FAM110B: variants seen among roughly 807,000 people sequenced by gnomAD.
FAM110B encodes family with sequence similarity 110 member B.
FAM110B carries 6 observed loss-of-function variants against 20.4 expected under a neutral mutation model. The ratio of observed to expected loss-of-function variants is 0.29; its 90% CI spans 0.16 to 0.58. FAM110B has a LOEUF of 0.58. Among genes scored for constraint, FAM110B ranks in the 20% least tolerant of loss-of-function variants. The pLI is 0.90. For missense variants in FAM110B, 434 were observed against 498.2 expected (o/e 0.87, Z 1.23); for synonymous variants, 226 against 214.1 (o/e 1.06, Z -0.49).
At chr8:58,144,908 A>G (rs893461002) in intron 3 of FAM110B, among the ~76,000 whole-genome samples, 4 of 152,242 alleles carry the variant, frequency 2.6e-5, no homozygotes, top group Non-Finnish European at 5.9e-5. Flanking sequence ...ATAAACGTTC[A>G]ACTATTGACA....
In FAM110B at chr8:58,038,212, T is replaced by C. The variant is rs78020450; in HGVS notation, c.-414+6509T>C. On this transcript the variant is annotated intron_variant, in intron 2 of 3. Coordinates refer to ENST00000519262, the MANE Select transcript of FAM110B (RefSeq NM_001377989.1). ...CACTTAAAAATTAAGTATCAGGTAC[T>C]GCTTACTCTAAATTAGGTTACAGAG... 4.7e-3 allele frequency among the ~76,000 whole-genome samples: 709 copies of C among 152,314 alleles called. 6 individuals are homozygous for C. Among genetic ancestry groups the C allele is most frequent in the African/African-American group, 0.016 (681 of 41,566 alleles).
rs1265292283 is a variant in FAM110B at position 58,145,914 on chromosome 8, T to A, written c.-317T>A. 1 of 250,778 alleles carries A rather than the reference T, an allele frequency of 4.0e-6. No individual in the cohort carries two copies. The highest frequency in any genetic ancestry group is 7.6e-6 in the Non-Finnish European group (1 of 130,884). The allele number at this position is 250,778 out of a possible 1,614,324, so 15.5% of individuals were successfully genotyped here. ...GGTTGTTTTGTGTTTCAGCTCTGCC[T>A]GCAGTTGAACACAAAGACCTGGAGG... is the stretch of plus-strand genomic sequence containing the variant. On this transcript the variant is annotated 5_prime_UTR_variant, in exon 4 of 4. Transcript: ENST00000519262.
chr8:58,038,142 C>T (rs899835915), intron 2 of FAM110B, among the ~76,000 whole-genome samples: 1 of 152,160 alleles, frequency 6.6e-6, no homozygotes, highest in African/African-American at 2.4e-5. Flanking sequence ...TGGTCCTCTC[C>T]CTGAGTGATT....
intron 3 of FAM110B, among the ~76,000 whole-genome samples, chr8:58,101,597 A>G (rs910962427): frequency 1.3e-5 from 2 of 152,072 alleles, no homozygotes; most frequent in African/African-American, 4.8e-5. Flanking sequence ...ATGCATCGTC[A>G]ATCAAAATAA....
intron 3 of FAM110B, among the ~76,000 whole-genome samples, chr8:58,124,776 T>C (rs1807452440): frequency 6.6e-6 from 1 of 152,208 alleles, no homozygotes; most frequent in Non-Finnish European, 1.5e-5. Context: ...TCACTTAAAA[T>C]GTAGAATTCA....
intron 3 of FAM110B, among the ~76,000 whole-genome samples, chr8:58,129,489 G>C (rs1405255723): frequency 6.6e-6 from 1 of 152,216 alleles, no homozygotes; most frequent in East Asian, 1.9e-4. Flanking sequence ...ACCCCCTTCG[G>C]GGCCCCTGTT....
rs150171281 is a variant in FAM110B, at chr8:58,050,161, A to G, written c.-414+18458A>G. On this transcript the variant is annotated intron_variant, in intron 2 of 3. Transcript: ENST00000519262. ...TATATTCTGCTTGTTCCCAGATGTC[A>G]TGGTCTTGTGAGGAGGATAGAATAT... 2.0e-5 allele frequency among the ~76,000 whole-genome samples: 3 copies of G among 151,884 alleles called. No individual in the cohort carries two copies. In the East Asian group the frequency reaches 5.8e-4, roughly 29 times the overall value.
chr8:58,126,276 T>C (rs1281245455), intron 3 of FAM110B, among the ~76,000 whole-genome samples: 1 of 152,248 alleles, frequency 6.6e-6, no homozygotes, highest in African/African-American at 2.4e-5. Flanking sequence ...GGATATACCA[T>C]AGTTTAGTTA....
At chr8:58,065,059 T>C (rs944534250) in intron 2 of FAM110B, among the ~76,000 whole-genome samples, 1 of 152,244 alleles carries the variant, frequency 6.6e-6, no homozygotes, top group Non-Finnish European at 1.5e-5. Flanking sequence ...GATTAAAGTC[T>C]AATCTTTCAA....
At chr8:58,075,271 T>TGTG (rs1554521060) in intron 2 of FAM110B, among the ~76,000 whole-genome samples, 9 of 134,786 alleles carry the variant, frequency 6.7e-5, no homozygotes, top group Middle Eastern at 3.6e-3. Context: ...GCTTTTTTTT[T>TGTG]TTTTTGTGTG....
chr8:58,096,344 T>G (rs1806627797), intron 3 of FAM110B, among the ~76,000 whole-genome samples: 2 of 152,066 alleles, frequency 1.3e-5, no homozygotes, highest in Non-Finnish European at 2.9e-5. Flanking sequence ...CCCGGCTAAT[T>G]TTTGTATTTT....
intron 2 of FAM110B, among the ~76,000 whole-genome samples, chr8:58,033,764 A>G (rs555740620): frequency 2.6e-5 from 4 of 152,222 alleles, no homozygotes; most frequent in Admixed American, 2.0e-4. Flanking sequence ...TTAAAAAAAA[A>G]TAGTTTTATT....
At chr8:58,011,303 C>G (rs535431394) in intron 1 of FAM110B, among the ~76,000 whole-genome samples, 4 of 152,074 alleles carry the variant, frequency 2.6e-5, no homozygotes, top group Non-Finnish European at 5.9e-5. Flanking sequence ...GTTATCAAAC[C>G]CCTCCTAACA....
intron 1 of FAM110B, among the ~76,000 whole-genome samples, chr8:58,020,731 G>T (rs906909603): frequency 1.3e-5 from 2 of 152,186 alleles, no homozygotes; most frequent in African/African-American, 4.8e-5. Context: ...AATTTGGGAG[G>T]CTGGGGGAAG....
rs1049748595 is a variant in FAM110B at position 57,994,558 on chromosome 8, G to C, written c.-760G>C. ...GAAGCCTGCCTGAGCCCTCCCACTCGGTGCAGACCGAACCATCGCGGCCGC... is the reference window on the plus strand; with the variant it reads ...GAAGCCTGCCTGAGCCCTCCCACTCCGTGCAGACCGAACCATCGCGGCCGC... On this transcript the variant is annotated 5_prime_UTR_variant, in exon 1 of 4. Transcript: ENST00000519262. The C allele has an allele frequency of 3.3e-5, 5 of 152,150 alleles. No individual in the cohort carries two copies. The highest frequency in any genetic ancestry group is 7.3e-5 in the Non-Finnish European group (5 of 68,060). The allele number at this position is 152,150 out of a possible 1,614,324, so 9.4% of individuals were successfully genotyped here.
At chr8:58,074,096 A>C (rs1452521292) in intron 2 of FAM110B, among the ~76,000 whole-genome samples, 1 of 151,546 alleles carries the variant, frequency 6.6e-6, no homozygotes, top group Non-Finnish European at 1.5e-5. Flanking sequence ...TACTTTTCCC[A>C]CCCTCCGGAC....
At chr8:58,068,583 T>A (rs1031199614) in intron 2 of FAM110B, among the ~76,000 whole-genome samples, 16 of 105,598 alleles carry the variant, frequency 1.5e-4, no homozygotes, top group African/African-American at 6.9e-4. Context: ...TTTTGTAAAG[T>A]TTTTTAGCTA....
intron 2 of FAM110B, among the ~76,000 whole-genome samples, chr8:58,072,806 C>A (rs1232874092): frequency 2.0e-5 from 3 of 152,118 alleles, no homozygotes; most frequent in Non-Finnish European, 4.4e-5. Flanking sequence ...AAAGTGGTCA[C>A]CAGTTTAAAA....
In FAM110B at chr8:58,148,126, T is replaced by TA. The variant is rs1803910953; in HGVS notation, c.*784dup. Reference sequence around the variant, plus strand: ...GACAGAATGACCACCCTAAAACAAATACTGAATGCCTTTAAAAAAAAAAAA... The same window carrying TA: ...GACAGAATGACCACCCTAAAACAAATAACTGAATGCCTTTAAAAAAAAAAAA... On this transcript the variant is annotated 3_prime_UTR_variant, in exon 4 of 4. Transcript: ENST00000519262. 1 of 160,098 alleles carries TA rather than the reference T, an allele frequency of 6.2e-6. No homozygotes were observed. Among genetic ancestry groups the TA allele is most frequent in the Non-Finnish European group, 1.5e-5 (1 of 67,068 alleles). The allele number at this position is 160,098 out of a possible 1,614,324, so 9.9% of individuals were successfully genotyped here.
Sources: allele counts gnomAD v4.1 joint callset (sites outside exome capture counted in the v4.1 genomes callset), GRCh38; gene constraint gnomAD v4.1.1; transcripts MANE v1.5; gene names NCBI Gene and HGNC (gene_info 2026-07-23, HGNC 2026-07-21).